The following RP1 variants were observed in gnomAD, a reference collection of about 807,000 sequenced individuals.
RP1 encodes the protein oxygen-regulated protein 1.
A neutral mutation model predicts 14.8 loss-of-function variants in RP1; 16 were observed. The ratio of observed to expected loss-of-function variants is 1.08; its 90% CI spans 0.73 to 1.65. RP1 has a LOEUF of 1.65. Ranked by LOEUF, RP1 falls within the 40% of genes most tolerant of loss-of-function variation. The pLI is 0.00. For missense variants in RP1, 2,631 were observed against 2,535.0 expected (o/e 1.04, Z -0.81); for synonymous variants, 876 against 883.6 (o/e 0.99, Z 0.15).
intron 16 of RP1, among the ~76,000 whole-genome samples, chr8:54,720,731 T>A (rs1456360616): frequency 6.6e-6 from 1 of 152,212 alleles, no homozygotes; most frequent in East Asian, 1.9e-4. Flanking sequence ...GGATTTGGAT[T>A]AAAAATAGGA....
chr8:54,797,758 T>C lies in RP1; in HGVS notation c.3615+14048T>C, dbSNP rs973194324. Among the ~76,000 whole-genome samples, 10 of 152,226 alleles carry C rather than the reference T, an allele frequency of 6.6e-5. No homozygotes were observed. In the East Asian group the frequency reaches 9.6e-4, roughly 15 times the overall value. On this transcript the variant is annotated intron_variant, in intron 24 of 28. Coordinates refer to the RP1 transcript ENST00000637698. ...TCAAAATAAAATATCATATTTATTA[T>C]AGTATTTATGTATTTCTTAACCATT...
chr8:54,865,949 T>G (rs188663157), intron 28 of RP1: 336 of 985,380 alleles, frequency 3.4e-4, no homozygotes, highest in Admixed American at 1.7e-3. Flanking sequence ...TGCAAAATTA[T>G]GCTCTCTTTG....
chr8:54,742,618 T>C (rs1473919418), intron 19 of RP1, among the ~76,000 whole-genome samples: 1 of 152,240 alleles, frequency 6.6e-6, no homozygotes, highest in Non-Finnish European at 1.5e-5. Context: ...AAGTTTTCTA[T>C]TTAGAAGCAT....
At chr8:54,764,500 AC>A (rs1318161523) in intron 22 of RP1, among the ~76,000 whole-genome samples, 2 of 152,184 alleles carry the variant, frequency 1.3e-5, no homozygotes, top group African/African-American at 4.8e-5. Context: ...TTTCCTGTAT[AC>A]CTTTCACAAG....
chr8:54,578,898 G>A (rs1428106535), intron 1 of RP1, among the ~76,000 whole-genome samples: 1 of 152,150 alleles, frequency 6.6e-6, no homozygotes, highest in Non-Finnish European at 1.5e-5. Context: ...AAGCCACAGA[G>A]CTGGGATTAC....
At chr8:54,713,215 A>G (rs1397069007) in intron 15 of RP1, among the ~76,000 whole-genome samples, 2 of 152,214 alleles carry the variant, frequency 1.3e-5, no homozygotes, top group African/African-American at 4.8e-5. Flanking sequence ...TATAACAAAT[A>G]TTTCTGTTTC....
chr8:54,726,240 A>G lies in RP1; in HGVS notation c.2390-105A>G, dbSNP rs114533284. 2.1e-3 allele frequency: 2,744 copies of G among 1,285,116 alleles called. 45 individuals are homozygous for G. The African/African-American group carries it at 0.037, about 17-fold the overall frequency. 79.6% of individuals were successfully genotyped at this position (1,285,116 alleles called of 1,614,324 possible). On this transcript the variant is annotated intron_variant, in intron 16 of 22. Coordinates refer to the RP1 transcript ENST00000636932. The stretch of plus-strand genomic sequence containing the variant: ...GAGATTTGACTAGGCATTGAAATGG[A>G]AACAATAGCAAAAATTAAACTTGCA...
chr8:54,656,865 T>C (rs1202653408), intron 6 of RP1, among the ~76,000 whole-genome samples: 1 of 151,398 alleles, frequency 6.6e-6, no homozygotes, highest in African/African-American at 2.4e-5. Context: ...TTTTCTCCAA[T>C]CCAGACTATG....
At chr8:54,782,954 C>T (rs996487900) in intron 23 of RP1, among the ~76,000 whole-genome samples, 8 of 152,020 alleles carry the variant, frequency 5.3e-5, no homozygotes, top group African/African-American at 1.9e-4. Context: ...TCCCCAAGCC[C>T]AATTCCTTTT....
At chr8:54,747,181 C>A (rs182839628) in intron 19 of RP1, among the ~76,000 whole-genome samples, 2 of 152,258 alleles carry the variant, frequency 1.3e-5, no homozygotes, top group African/African-American at 4.8e-5. Flanking sequence ...TTTTCACCCC[C>A]CTCAGTATCC....
chr8:54,829,588 T>C (rs1811471947), intron 24 of RP1, among the ~76,000 whole-genome samples: 1 of 152,198 alleles, frequency 6.6e-6, no homozygotes, highest in Non-Finnish European at 1.5e-5. Context: ...GGGTTCTAGA[T>C]GAATATAAGG....
intron 1 of RP1, among the ~76,000 whole-genome samples, chr8:54,571,163 C>G (rs1372610009): frequency 0.068 from 3 of 44 alleles, no homozygotes; most frequent in Non-Finnish European, 0.11. Context: ...CTGTGCCCTC[C>G]CCCTCCTTAC....
intron 3 of RP1, among the ~76,000 whole-genome samples, chr8:54,644,332 C>T (rs1585578349): frequency 1.3e-5 from 2 of 152,132 alleles, no homozygotes; most frequent in African/African-American, 4.8e-5. Flanking sequence ...GGTAGCCTAC[C>T]CACTCAGCCC....
At chr8:54,683,784 C>G (rs1308951328) in intron 12 of RP1, among the ~76,000 whole-genome samples, 1 of 152,178 alleles carries the variant, frequency 6.6e-6, no homozygotes, top group African/African-American at 2.4e-5. Flanking sequence ...TTTGCATACA[C>G]TTTATTTCCT....
chr8:54,770,715 T>G (rs191295744), downstream of RP1, among the ~76,000 whole-genome samples: 4 of 151,624 alleles, frequency 2.6e-5, no homozygotes, highest in East Asian at 1.9e-4. Flanking sequence ...AGTAAAAATC[T>G]TATTTGTATT....
chr8:54,624,443 C>CAAAAAAAAAAAAAAAAAAA (rs11332494), intron 3 of RP1, among the ~76,000 whole-genome samples: 36 of 56,578 alleles, frequency 6.4e-4, no homozygotes, highest in East Asian at 9.8e-4. Flanking sequence ...GACTCTGTCT[C>CAAAAAAAAAAAAAAAAAAA]AAAAAAAAAA....
rs371982629 is a variant in RP1, at chr8:54,829,414, C to G, written c.3616-8036C>G. ...TGAGAAATTAAAGAATTAGATGAAA[C>G]CAGAAAATAAAAGCATCCATTATAA... On this transcript the variant is annotated intron_variant, in intron 24 of 28. Coordinates refer to the RP1 transcript ENST00000637698. 2.0e-5 allele frequency among the ~76,000 whole-genome samples: 3 copies of G among 151,682 alleles called. No individual in the cohort carries two copies. In the East Asian group the frequency reaches 5.8e-4, roughly 29 times the overall value.
chr8:54,668,106 C>T (rs113045566), intron 7 of RP1, among the ~76,000 whole-genome samples: 2 of 152,206 alleles, frequency 1.3e-5, no homozygotes, highest in African/African-American at 4.8e-5. Context: ...ACTGGCAAAC[C>T]GAATCCAGCA....
intron 28 of RP1, chr8:54,869,713 CT>C (rs1283603953): frequency 2.4e-6 from 1 of 412,562 alleles, no homozygotes; most frequent in African/African-American, 2.0e-5. Context: ...ATCTTAAATC[CT>C]TTTTTAAAAT....
Sources: allele counts gnomAD v4.1 joint callset (sites outside exome capture counted in the v4.1 genomes callset), GRCh38; gene constraint gnomAD v4.1.1; transcripts MANE v1.5; gene names NCBI Gene and HGNC (gene_info 2026-07-23, HGNC 2026-07-21).